The following KCTD5 variants were observed in gnomAD, a reference collection of about 807,000 sequenced individuals.
The protein encoded by KCTD5 is BTB/POZ domain-containing protein KCTD5.
In KCTD5, 12 loss-of-function variants were observed where a neutral mutation model predicts 27.9. The observed-to-expected ratio is 0.43, with a 90% CI of 0.28 to 0.70. KCTD5 has a LOEUF of 0.70. KCTD5 is among the 30% of genes least tolerant of loss of function. The pLI is 0.19. For missense variants in KCTD5, 226 were observed against 274.8 expected (o/e 0.82, Z 1.26); for synonymous variants, 147 against 121.4 (o/e 1.21, Z -1.39).
chr16:2,691,322 C>T (rs2067565707), intron 1 of KCTD5, among the ~76,000 whole-genome samples: 1 of 152,240 alleles, frequency 6.6e-6, no homozygotes, highest in Non-Finnish European at 1.5e-5. Context: ...CTCGAGGAAA[C>T]CCACCAGTTA....
chr16:2,704,852 G>A (rs1474610413), intron 5 of KCTD5, among the ~76,000 whole-genome samples: 2 of 152,192 alleles, frequency 1.3e-5, no homozygotes, highest in East Asian at 1.9e-4. Flanking sequence ...GTGGGCTAGC[G>A]CCGCCTGCCA....
rs1376603482 is a variant in KCTD5, at chr16:2,682,817, C to A, written c.252+17C>A. 1.3e-6 allele frequency: 2 copies of A among 1,577,278 alleles called. No homozygotes were observed. Among genetic ancestry groups the A allele is most frequent in the Admixed American group, 1.8e-5 (1 of 55,212 alleles). On this transcript the variant is annotated intron_variant, in intron 1 of 5. Transcript: ENST00000301738. ...TCAGACAAGGTGAGGGCCTCACGGGCCAGCCCGGAGGGTCCTGGCCTTCCC... is the reference window on the plus strand; with the variant it reads ...TCAGACAAGGTGAGGGCCTCACGGGACAGCCCGGAGGGTCCTGGCCTTCCC...
At chr16:2,701,357 A>T (rs1454268893) in intron 4 of KCTD5, among the ~76,000 whole-genome samples, 1 of 151,976 alleles carries the variant, frequency 6.6e-6, no homozygotes, top group African/African-American at 2.4e-5. Context: ...GTGGGGTGGG[A>T]CCCTGCGGGG....
chr16:2,687,357 C>G (rs1410171956), intron 1 of KCTD5, among the ~76,000 whole-genome samples: 1 of 152,228 alleles, frequency 6.6e-6, no homozygotes, highest in East Asian at 1.9e-4. Flanking sequence ...GGCATTCTCG[C>G]CTCCAGACTT....
intron 3 of KCTD5, among the ~76,000 whole-genome samples, chr16:2,698,290 G>A (rs2067595478): frequency 6.6e-6 from 1 of 152,204 alleles, no homozygotes; most frequent in African/African-American, 2.4e-5. Context: ...AGGGCCCCAT[G>A]AGGGCCGGTC....
chr16:2,702,406 C>T lies in KCTD5; in HGVS notation c.603C>T (p.Phe201=), dbSNP rs1335244426. The change falls in exon 5 of 6, where the codon TTC becomes TTT. Residue 201 remains phenylalanine, a synonymous_variant. Transcript: ENST00000301738. ...ATGGGAACGAAGACCAAGCCGAGTT[C>T]CTCTGTGTGGTGTCCAAGGAGCTGC... is the stretch of plus-strand genomic sequence containing the variant. ...YNYGNEDQAE[F]LCVVSKELHN... 1 of 1,613,526 alleles carries T rather than the reference C, an allele frequency of 6.2e-7. No individual in the cohort carries two copies.
rs905999747 is a variant in KCTD5, at chr16:2,708,769, T to TAGGC, written c.*1442_*1443insAGGC. The TAGGC allele has an allele frequency of 1.3e-5, 2 of 152,188 alleles. No homozygotes were observed. The highest frequency in any genetic ancestry group is 6.5e-5 in the Admixed American group (1 of 15,286). The allele number at this position is 152,188 out of a possible 1,614,324, so 9.4% of individuals were successfully genotyped here. On this transcript the variant is annotated 3_prime_UTR_variant, in exon 6 of 6. Transcript: ENST00000301738. ...AGGCAGACTTAGCCCCAGCAGAGCC[T>TAGGC]GGGAGGAAGGCGGCCGCTGGGGCTC...
chr16:2,688,228 A>AATATATATATATATATATATAT (rs772886064), intron 1 of KCTD5, among the ~76,000 whole-genome samples: 1 of 84,628 alleles, frequency 1.2e-5, no homozygotes, highest in Admixed American at 1.5e-4. Context: ...TAAATAAATA[A>AATATATATATATATATATATAT]ATATATATAT....
At chr16:2,701,939 A>G (rs1181358536) in intron 4 of KCTD5, among the ~76,000 whole-genome samples, 1 of 152,134 alleles carries the variant, frequency 6.6e-6, no homozygotes, top group African/African-American at 2.4e-5. Flanking sequence ...TGGACAGCAC[A>G]GCTCCTCCAG....
In KCTD5 at chr16:2,682,720, A is replaced by G; in HGVS notation, c.172A>G (p.Thr58Ala). Residue 58 changes from threonine (T) to alanine (A), a missense_variant, in exon 1 of 6, where the codon ACT (threonine) becomes GCT (alanine). By Grantham distance (58) the Thr-to-Ala change is moderately conservative. Transcript: ENST00000301738. The part of the protein sequence containing the change: ...LNVGGTYFLT[T>A]RQTLCRDPKS... ...CGTCGGCGGCACCTACTTCCTCACC[A>G]CTCGGCAGACCCTGTGCCGGGACCC... The G allele has an allele frequency of 6.2e-7, 1 of 1,610,070 alleles. No individual in the cohort carries two copies. Among genetic ancestry groups the G allele is most frequent in the Non-Finnish European group, 8.5e-7 (1 of 1,178,730 alleles).
chr16:2,682,825 G>T (rs540758753), intron 1 of KCTD5, 25 bp downstream of exon 1: 3 of 1,571,554 alleles, frequency 1.9e-6, no homozygotes, highest in Admixed American at 1.8e-5. Flanking sequence ...GGCCAGCCCG[G>T]AGGGTCCTGG....
At chr16:2,692,446 C>T (rs1294865140) in intron 1 of KCTD5, among the ~76,000 whole-genome samples, 1 of 152,150 alleles carries the variant, frequency 6.6e-6, no homozygotes, top group African/African-American at 2.4e-5. Context: ...GACTGGCTGG[C>T]TCCTCTCCAT....
chr16:2,704,901 C>T (rs1322171947), intron 5 of KCTD5, among the ~76,000 whole-genome samples: 3 of 152,226 alleles, frequency 2.0e-5, no homozygotes, highest in African/African-American at 7.2e-5. Context: ...GGACAGGGTT[C>T]AGCCCCTCAG....
intron 1 of KCTD5, among the ~76,000 whole-genome samples, chr16:2,688,307 G>A (rs1450471935): frequency 6.6e-6 from 1 of 150,778 alleles, no homozygotes; most frequent in African/African-American, 2.4e-5. Flanking sequence ...CTGGAGTGTG[G>A]TGGGGTGATC....
intron 1 of KCTD5, chr16:2,684,686 G>C (rs1442768231): frequency 6.6e-6 from 1 of 151,952 alleles, no homozygotes; most frequent in South Asian, 2.1e-4. Context: ...AATGGCGTGA[G>C]CCTGGGAGGA....
intron 1 of KCTD5, among the ~76,000 whole-genome samples, chr16:2,693,833 C>T (rs1339558965): frequency 3.3e-5 from 5 of 150,884 alleles, no homozygotes; most frequent in Non-Finnish European, 5.9e-5. Context: ...CTGGTCTCCC[C>T]CACCTTTTGC....
intron 2 of KCTD5, chr16:2,697,076 A>G (rs3094477): frequency 0.48 from 73,479 of 152,340 alleles, 18,370 homozygotes; most frequent in Middle Eastern, 0.54. Context: ...CCTGGGTGCT[A>G]GAGAAGGGGG....
intron 1 of KCTD5, among the ~76,000 whole-genome samples, chr16:2,692,611 T>C (rs555733827): frequency 2.6e-5 from 4 of 152,354 alleles, no homozygotes; most frequent in South Asian, 4.1e-4. Flanking sequence ...AATTGGTTCA[T>C]GGGCAGGCCC....
intron 1 of KCTD5, among the ~76,000 whole-genome samples, chr16:2,693,905 C>A (rs1028059928): frequency 1.6e-4 from 24 of 148,116 alleles, no homozygotes; most frequent in African/African-American, 4.7e-4. Context: ...CCACTGAGGC[C>A]AGGCCTGGAG....
Sources: gnomAD v4.1 joint callset for allele counts (sites outside exome capture counted in the v4.1 genomes callset) on GRCh38, gnomAD v4.1.1 for gene constraint, MANE v1.5 for transcripts, NCBI Gene and HGNC (gene_info 2026-07-23, HGNC 2026-07-21) for gene names.